The following YOD1 variants were observed in gnomAD, a reference collection of about 807,000 sequenced individuals.
YOD1 encodes the protein ubiquitin thioesterase OTU1.
In YOD1, 17 loss-of-function variants were observed where a neutral mutation model predicts 23.7. That is an observed-to-expected ratio of 0.72 (90% CI 0.49 to 1.07). YOD1 has a LOEUF of 1.07. YOD1 is among the 50% of genes least tolerant of loss of function. The probability of loss-of-function intolerance (pLI) is 0.00; values close to 1 mark genes in which losing one functional copy is unlikely to be tolerated. For synonymous variants in YOD1, 191 were observed against 169.6 expected (o/e 1.13, Z -0.98); for missense variants, 413 against 447.2 (o/e 0.92, Z 0.69).
At chr1:207,052,150 C>T, upstream of YOD1, 1 of 1,605,766 alleles carries the variant, frequency 6.2e-7, no homozygotes, top group Admixed American at 1.7e-5. Flanking sequence ...GCTGGGGCAA[C>T]TATGAAAAGT....
In YOD1 at chr1:207,047,410, G is replaced by A. The variant is rs1404389310; in HGVS notation, c.*1610C>T. 2 of 152,488 alleles carry A rather than the reference G, an allele frequency of 1.3e-5. No homozygotes were observed. Among genetic ancestry groups the A allele is most frequent in the Non-Finnish European group, 2.9e-5 (2 of 67,974 alleles). 9.4% of individuals were successfully genotyped at this position (152,488 alleles called of 1,614,324 possible). A position where few individuals can be genotyped will look rare whatever the true frequency, so the allele number is the denominator to read the frequency against. On this transcript the variant is annotated 3_prime_UTR_variant, in exon 2 of 2. Transcript: ENST00000315927. ...AATTTTATATGGCCACCTTCACCAA[G>A]TGAAAGTGCTAAAAATAAATGTCAA...
At chr1:207,051,614 G>A (rs1459322913), upstream of YOD1, among the ~76,000 whole-genome samples, 3 of 152,210 alleles carry the variant, frequency 2.0e-5, no homozygotes, top group Non-Finnish European at 4.4e-5. Flanking sequence ...CCTCATTCAG[G>A]TGGTGGCAGT....
In YOD1 at chr1:207,044,547, C is replaced by T. The variant is rs1682548393; in HGVS notation, c.*4473G>A. 1 of 152,436 alleles carries T rather than the reference C, an allele frequency of 6.6e-6. No homozygotes were observed. Among genetic ancestry groups the T allele is most frequent in the Admixed American group, 6.5e-5 (1 of 15,270 alleles). 9.4% of individuals were successfully genotyped at this position (152,436 alleles called of 1,614,324 possible). ...TAATCAAATTATATCTTCACCATTC[C>T]TAAACTCCTATATGTTGGTTAGTAC... On this transcript the variant is annotated 3_prime_UTR_variant, in exon 2 of 2. Coordinates refer to ENST00000315927, the MANE Select transcript of YOD1 (RefSeq NM_018566.4).
At position 207,046,948 on chromosome 1, in the gene YOD1, G is replaced by T. The variant is rs1489206755; in HGVS notation, c.*2072C>A. On this transcript the variant is annotated 3_prime_UTR_variant, in exon 2 of 2. Transcript: ENST00000315927. ...TGTAGTAAGCAAATGTCAACTCTGTGTCCTGAAGTAGCAAAGAAAGGAAGG... is the reference window on the plus strand; with the variant it reads ...TGTAGTAAGCAAATGTCAACTCTGTTTCCTGAAGTAGCAAAGAAAGGAAGG... 6.6e-6 allele frequency: 1 copy of T among 151,748 alleles called. No homozygotes were observed. The highest frequency in any genetic ancestry group is 1.5e-5 in the Non-Finnish European group (1 of 67,920). 9.4% of individuals were successfully genotyped at this position (151,748 alleles called of 1,614,324 possible). A position where few individuals can be genotyped will look rare whatever the true frequency, so the allele number is the denominator to read the frequency against.
Position 207,050,836 on chromosome 1 carries a change from GC to G in YOD1, c.194del (p.Ser65ThrfsTer54). Reference protein sequence around the residue: ...DGTHVLQGLSSRTRVRELQGQ... With the variant: ...DGTHVLQGLSXRTRVRELQGQ... ...CCTGGAGTTCCCGCACCCGGGTCCG[GC>G]TGGACAGCCCCTGCAAAACATGGGT... On this transcript the variant is annotated frameshift_variant, in exon 1 of 2. Coordinates refer to ENST00000315927, the MANE Select transcript of YOD1 (RefSeq NM_018566.4). LOFTEE classifies it high-confidence loss of function. The G allele has an allele frequency of 1.2e-6, 2 of 1,613,010 alleles. No homozygotes were observed. Among genetic ancestry groups the G allele is most frequent in the South Asian group, 2.2e-5 (2 of 91,066 alleles).
In YOD1 at chr1:207,051,032, G is replaced by A. The variant is rs1164720952; in HGVS notation, c.-2C>T. On this transcript the variant is annotated 5_prime_UTR_variant, in exon 1 of 2. Transcript: ENST00000315927. Reference sequence around the variant, plus strand: ...GCGACCTTTAGCGGGGCCAAACATCGCGAGAAGTTGCGGGTGGTTGCAGTT... The same window carrying A: ...GCGACCTTTAGCGGGGCCAAACATCACGAGAAGTTGCGGGTGGTTGCAGTT... The A allele has an allele frequency of 1.3e-6, 2 of 1,498,912 alleles. No homozygotes were observed. The highest frequency in any genetic ancestry group is 4.6e-5 in the Admixed American group (2 of 43,474). 92.9% of individuals were successfully genotyped at this position (1,498,912 alleles called of 1,614,324 possible).
rs1325439870 is a variant in YOD1 at position 207,051,041 on chromosome 1, T to G, written c.-11A>C. 8 of 1,491,052 alleles carry G rather than the reference T, an allele frequency of 5.4e-6. No individual in the cohort carries two copies. The East Asian group carries it at 2.0e-4, about 37-fold the overall frequency. The allele number at this position is 1,491,052 out of a possible 1,614,324, so 92.4% of individuals were successfully genotyped here. ...AGCGGGGCCAAACATCGCGAGAAGT[T>G]GCGGGTGGTTGCAGTTATCGCGACG... On this transcript the variant is annotated 5_prime_UTR_variant, in exon 1 of 2. Transcript: ENST00000315927.
At position 207,048,997 on chromosome 1, in the gene YOD1, T is replaced by A. The variant is rs1558053647; in HGVS notation, c.*23A>T. ...CTTCTGGATGTGTGAGGTAGTAGGC[T>A]TCAACCCTCATTCATGCATAGGTCA... is the stretch of plus-strand genomic sequence containing the variant. On this transcript the variant is annotated 3_prime_UTR_variant, in exon 2 of 2. Coordinates refer to ENST00000315927, the MANE Select transcript of YOD1 (RefSeq NM_018566.4). 6.2e-7 allele frequency: 1 copy of A among 1,601,942 alleles called. No individual in the cohort carries two copies. The highest frequency in any genetic ancestry group is 2.2e-5 in the East Asian group (1 of 44,796).
Position 207,048,989 on chromosome 1 carries a change from T to C in YOD1, c.*31A>G, listed in dbSNP as rs1432766372. 1.3e-6 allele frequency: 2 copies of C among 1,582,976 alleles called. No homozygotes were observed. Among genetic ancestry groups the C allele is most frequent in the Non-Finnish European group, 1.7e-6 (2 of 1,159,070 alleles). ...CCCAGAGCCTTCTGGATGTGTGAGG[T>C]AGTAGGCTTCAACCCTCATTCATGC... On this transcript the variant is annotated 3_prime_UTR_variant, in exon 2 of 2. Coordinates refer to ENST00000315927, the MANE Select transcript of YOD1 (RefSeq NM_018566.4).
rs764673837 is a variant in YOD1, at chr1:207,049,064, C to T, written c.1003G>A (p.Glu335Lys). 3.1e-6 allele frequency: 5 copies of T among 1,613,920 alleles called. No individual in the cohort carries two copies. The highest frequency in any genetic ancestry group is 4.2e-6 in the Non-Finnish European group (5 of 1,179,994). ...GTATGGCCTGTCTCCTTGGCATGTTCCCTTGCTTCTGCTTGTCCAGTTAAT... is the reference window on the plus strand; with the variant it reads ...GTATGGCCTGTCTCCTTGGCATGTTTCCTTGCTTCTGCTTGTCCAGTTAAT... ...KGLTGQAEAR[E>K]HAKETGHTNF... Residue 335 changes from glutamate (E) to lysine (K), a missense_variant, in exon 2 of 2, where the codon GAA (glutamate) becomes AAA (lysine). Transcript: ENST00000315927.
In YOD1 at chr1:207,050,673, G is replaced by C. The variant is rs1198914478; in HGVS notation, c.343+15C>G. 1.2e-6 allele frequency: 2 copies of C among 1,612,600 alleles called. No homozygotes were observed. The highest frequency in any genetic ancestry group is 1.7e-6 in the Non-Finnish European group (2 of 1,179,904). The stretch of plus-strand genomic sequence containing the variant: ...CCTCCCGGGACTTTCCCTGGCCCCA[G>C]CCCTGATTCCTTACCAGATTGGATG... On this transcript the variant is annotated intron_variant, in intron 1 of 1. Transcript: ENST00000315927.
In YOD1 at chr1:207,046,864, G is replaced by A. The variant is rs898191020; in HGVS notation, c.*2156C>T. The A allele has an allele frequency of 6.6e-6, 1 of 151,952 alleles. No individual in the cohort carries two copies. Among genetic ancestry groups the A allele is most frequent in the African/African-American group, 2.4e-5 (1 of 41,402 alleles). 9.4% of individuals were successfully genotyped at this position (151,952 alleles called of 1,614,324 possible). ...ACAGAAACATATCAAAACATGCCTG[G>A]CACAGTATAAATTACTCAATAAATA... On this transcript the variant is annotated 3_prime_UTR_variant, in exon 2 of 2. Transcript: ENST00000315927.
upstream of YOD1, chr1:207,052,377 G>A (rs1572712803): frequency 3.0e-6 from 2 of 670,550 alleles, no homozygotes; most frequent in East Asian, 5.5e-5. Context: ...AGTCCACCGG[G>A]GTGGCCGGGC....
In YOD1 at chr1:207,049,527, A is replaced by T. The variant is rs1305816529; in HGVS notation, c.540T>A (p.Pro180=). The T allele has an allele frequency of 6.2e-7, 1 of 1,614,050 alleles. No individual in the cohort carries two copies. The highest frequency in any genetic ancestry group is 2.2e-5 in the East Asian group (1 of 44,886). The change falls in exon 2 of 2, where the codon CCT becomes CCA. Residue 180 remains proline (P), a synonymous_variant. Transcript: ENST00000315927. ...TTTGTGCTATGAGGCGTCTCATCTC[A>T]GGGGCACAAGCTGGATTCAAGACTC... The part of the protein sequence containing the change: ...EGGVLNPACA[P]EMRRLIAQIV...
rs1170202356 is a variant in YOD1, at chr1:207,050,989, C to T, written c.42G>A (p.Pro14=). The change falls in exon 1 of 2, where the codon CCG becomes CCA. Residue 14 remains proline (P), a synonymous_variant. Coordinates refer to ENST00000315927, the MANE Select transcript of YOD1 (RefSeq NM_018566.4). ...PAKGRHFGVH[P]APGFPGGVSQ... ...AGACGCCGCCGGGGAAACCAGGCGC[C>T]GGGTGGACTCCAAAATGGCGACCTT... 1.3e-6 allele frequency: 2 copies of T among 1,531,144 alleles called. No individual in the cohort carries two copies. Among genetic ancestry groups the T allele is most frequent in the African/African-American group, 1.4e-5 (1 of 72,338 alleles). 94.8% of individuals were successfully genotyped at this position (1,531,144 alleles called of 1,614,324 possible).
chr1:207,050,729 C>T lies in YOD1; in HGVS notation c.302G>A (p.Ser101Asn), dbSNP rs1299542402. The change falls in exon 1 of 2, where the codon AGC becomes AAC. Residue 101 changes from serine to asparagine, a missense_variant. Transcript: ENST00000315927. Reference protein sequence around the residue: ...VGYPPECLDLSNGDTILEDLP... With the variant: ...VGYPPECLDLNNGDTILEDLP... The stretch of plus-strand genomic sequence containing the variant: ...GTCTTCCAGAATGGTATCCCCATTG[C>T]TGAGATCCAGGCACTCGGGAGGGTA... 2.5e-6 allele frequency: 4 copies of T among 1,613,220 alleles called. No homozygotes were observed. Among genetic ancestry groups the T allele is most frequent in the Non-Finnish European group, 3.4e-6 (4 of 1,180,042 alleles).
At chr1:207,052,918 A>C (rs1316181234), upstream of YOD1, 1 of 152,218 alleles carries the variant, frequency 6.6e-6, no homozygotes, top group Non-Finnish European at 1.5e-5. Flanking sequence ...TGAGAGCGTT[A>C]ATCTTTGCAG....
Position 207,050,819 on chromosome 1 carries a change from T to G in YOD1, c.212A>C (p.Glu71Ala). 4 of 1,613,246 alleles carry G rather than the reference T, an allele frequency of 2.5e-6. No homozygotes were observed. The highest frequency in any genetic ancestry group is 3.4e-6 in the Non-Finnish European group (4 of 1,179,986). Reference protein sequence around the residue: ...QGLSSRTRVRELQGQIAAITG... With the variant: ...QGLSSRTRVRALQGQIAAITG... ...GATGGCGGCAATTTGGCCCTGGAGT[T>G]CCCGCACCCGGGTCCGGCTGGACAG... The change falls in exon 1 of 2, where the codon GAA (glutamate) becomes GCA (alanine). Residue 71 changes from glutamate (E) to alanine (A), a missense_variant. Coordinates refer to ENST00000315927, the MANE Select transcript of YOD1 (RefSeq NM_018566.4).
chr1:207,051,678 A>C (rs1016548199), upstream of YOD1, among the ~76,000 whole-genome samples: 2 of 152,240 alleles, frequency 1.3e-5, no homozygotes, highest in African/African-American at 4.8e-5. Flanking sequence ...GTTCCTGGGC[A>C]TACAAATATG....
Sources: allele counts gnomAD v4.1 joint callset (sites outside exome capture counted in the v4.1 genomes callset), GRCh38; gene constraint gnomAD v4.1.1; transcripts MANE v1.5; gene names NCBI Gene and HGNC (gene_info 2026-07-23, HGNC 2026-07-21).